Variants in SLC16A14 observed in about 807,000 individuals in gnomAD.
SLC16A14 encodes the protein monocarboxylate transporter 14.
SLC16A14 carries 14 observed loss-of-function variants against 35.8 expected under a neutral mutation model. The observed-to-expected ratio is 0.39, with a 90% CI of 0.26 to 0.61. The LOEUF (loss-of-function observed/expected upper bound fraction) is 0.61, where lower values mean the gene tolerates loss of function less well. Ranked by LOEUF, SLC16A14 falls within the 20% of genes least tolerant of loss-of-function variation. The probability of loss-of-function intolerance (pLI) is 0.51; values close to 1 mark genes in which losing one functional copy is unlikely to be tolerated. For synonymous variants in SLC16A14, 248 were observed against 258.9 expected (o/e 0.96, Z 0.40); for missense variants, 533 against 655.0 (o/e 0.81, Z 2.03).
chr2:230,059,992 T>C (rs1484012402), intron 1 of SLC16A14, among the ~76,000 whole-genome samples: 2 of 152,222 alleles, frequency 1.3e-5, no homozygotes, highest in Non-Finnish European at 2.9e-5. Context: ...GTGGTACTTA[T>C]GTCTCATTAT....
At position 230,063,023 on chromosome 2, in the gene SLC16A14, C is replaced by G. The variant is rs1278206201; in HGVS notation, c.-14-3657G>C. On this transcript the variant is annotated intron_variant, in intron 1 of 4. Transcript: ENST00000295190. Reference sequence around the variant, plus strand: ...CAATTTCCAGGCCGGCGCAGTGGTTCAAGCCTGTAATCCCAGCACTTTGGG... The same window carrying G: ...CAATTTCCAGGCCGGCGCAGTGGTTGAAGCCTGTAATCCCAGCACTTTGGG... 2.0e-5 allele frequency among the ~76,000 whole-genome samples: 3 copies of G among 152,124 alleles called. No individual in the cohort carries two copies. In the East Asian group the frequency reaches 5.8e-4, roughly 29 times the overall value.
At chr2:230,060,818 T>A (rs1393695860) in intron 1 of SLC16A14, among the ~76,000 whole-genome samples, 5 of 151,974 alleles carry the variant, frequency 3.3e-5, no homozygotes, top group Non-Finnish European at 7.4e-5. Flanking sequence ...TGGTCTTTAT[T>A]AGGAAGAGAG....
At chr2:230,060,881 G>A (rs1279608613) in intron 1 of SLC16A14, among the ~76,000 whole-genome samples, 3 of 135,032 alleles carry the variant, frequency 2.2e-5, no homozygotes, top group African/African-American at 8.3e-5. Flanking sequence ...TATGATGGTA[G>A]TGGGATGGAA....
chr2:230,062,104 T>C (rs944202918), intron 1 of SLC16A14, among the ~76,000 whole-genome samples: 7 of 152,140 alleles, frequency 4.6e-5, no homozygotes, highest in Admixed American at 2.6e-4. Context: ...AATAACATAA[T>C]GAGTATTACT....
intron 4 of SLC16A14, among the ~76,000 whole-genome samples, chr2:230,039,779 A>C (rs926053489): frequency 6.6e-6 from 1 of 152,224 alleles, no homozygotes; most frequent in African/African-American, 2.4e-5. Flanking sequence ...TGTAACTAAC[A>C]AACAGCTGAA....
Position 230,046,643 on chromosome 2 carries a change from C to T in SLC16A14, c.483G>A (p.Gln161=). ...ATCCGGTCCCCGTGGTGCTGAGGCC[C>T]TGGGCGAGGGCGCGTCTCTTCTGGA... is the stretch of plus-strand genomic sequence containing the variant. ...RYFQKRRALA[Q]GLSTTGTGFG... Residue 161 remains glutamine, a synonymous_variant, in exon 4 of 5, where the codon CAG becomes CAA. Transcript: ENST00000295190. This position sits in a 1 kb window ranked among gnomAD's most constrained non-coding sequence, Gnocchi z 5.0. 6.2e-7 allele frequency: 1 copy of T among 1,609,818 alleles called. No homozygotes were observed. The highest frequency in any genetic ancestry group is 8.5e-7 in the Non-Finnish European group (1 of 1,180,016).
At chr2:230,058,638 AT>A (rs61292690) in intron 2 of SLC16A14, among the ~76,000 whole-genome samples, 30,048 of 147,952 alleles carry the variant, frequency 0.2, 3,032 homozygotes, top group Middle Eastern at 0.26. Flanking sequence ...TGGTAAAATT[AT>A]TTTTTTTTTT....
rs572462253 is a variant in SLC16A14, at chr2:230,035,016, A to T, written c.*2364T>A. 6.6e-6 allele frequency: 1 copy of T among 152,374 alleles called. No homozygotes were observed. Among genetic ancestry groups the T allele is most frequent in the East Asian group, 1.9e-4 (1 of 5,194 alleles). The allele number at this position is 152,374 out of a possible 1,614,324, so 9.4% of individuals were successfully genotyped here. On this transcript the variant is annotated 3_prime_UTR_variant, in exon 5 of 5. Transcript: ENST00000295190. ...GACAACATTTATTTAGTTGTATGTA[A>T]ATAAAAATTACTTGGATACATGAGG...
At chr2:230,065,262 TC>T (rs1202207727) in intron 1 of SLC16A14, among the ~76,000 whole-genome samples, 2 of 151,928 alleles carry the variant, frequency 1.3e-5, no homozygotes, top group Admixed American at 1.3e-4. Flanking sequence ...GTAAAAAAGT[TC>T]TTTTTTTTTT....
Position 230,037,457 on chromosome 2 carries a change from G to C in SLC16A14, c.1456C>G (p.Leu486Val). The C allele has an allele frequency of 6.2e-7, 1 of 1,612,980 alleles. No homozygotes were observed. Among genetic ancestry groups the C allele is most frequent in the Non-Finnish European group, 8.5e-7 (1 of 1,179,704 alleles). ...ATGCACGGCTGAATAAGTAAAAAGA[G>C]TATTCCTATCATGTAAAGCAAACCA... ...ICGLLYMIGILFLLIQPCIRI... is the reference protein window; with the variant it reads ...ICGLLYMIGIVFLLIQPCIRI... The change falls in exon 5 of 5, where the codon CTC (leucine) becomes GTC (valine). Residue 486 changes from leucine (L) to valine (V), a missense_variant. Leu to Val is a conservative substitution (Grantham distance 32, BLOSUM62 1). Coordinates refer to ENST00000295190, the MANE Select transcript of SLC16A14 (RefSeq NM_152527.5).
At chr2:230,058,537 T>A (rs966610597) in intron 2 of SLC16A14, among the ~76,000 whole-genome samples, 10 of 152,108 alleles carry the variant, frequency 6.6e-5, no homozygotes, top group African/African-American at 2.4e-4. Flanking sequence ...CAGTTTCCGT[T>A]TGGGAAGATG....
rs1577387975 is a variant in SLC16A14, at chr2:230,046,599, G to A, written c.527C>T (p.Thr176Ile). The A allele has an allele frequency of 6.2e-7, 1 of 1,613,850 alleles. No homozygotes were observed. Among genetic ancestry groups the A allele is most frequent in the Non-Finnish European group, 8.5e-7 (1 of 1,180,040 alleles). The part of the protein sequence containing the change: ...TGTGFGTFLM[T>I]VLLKYLCAEY... ...TGCGCACAGGTACTTCAGCAGCACA[G>A]TCATTAGGAACGTACCGAATCCGGT... is the stretch of plus-strand genomic sequence containing the variant. The change falls in exon 4 of 5, where the codon ACT becomes ATT. Residue 176 changes from threonine (T) to isoleucine (I), a missense_variant. By Grantham distance (89) the Thr-to-Ile change is moderately conservative (BLOSUM62 -1). Transcript: ENST00000295190. This position sits in a 1 kb window ranked among gnomAD's most constrained non-coding sequence, Gnocchi z 5.0.
chr2:230,035,477 C>T lies in SLC16A14; in HGVS notation c.*1903G>A, dbSNP rs2077513204. On this transcript the variant is annotated 3_prime_UTR_variant, in exon 5 of 5. Transcript: ENST00000295190. The stretch of plus-strand genomic sequence containing the variant: ...TAATGAAGCAATGTAGTTTTTAAAA[C>T]ATACAACATGTGTTTCAATCTAATC... 3.3e-5 allele frequency: 5 copies of T among 152,606 alleles called. No homozygotes were observed. Among genetic ancestry groups the T allele is most frequent in the African/African-American group, 9.6e-5 (4 of 41,456 alleles). The allele number at this position is 152,606 out of a possible 1,614,324, so 9.5% of individuals were successfully genotyped here.
chr2:230,064,288 C>CTGTGTG (rs370970241), intron 1 of SLC16A14, among the ~76,000 whole-genome samples: 3,462 of 149,668 alleles, frequency 0.023, 64 homozygotes, highest in Admixed American at 0.03. Context: ...TCAGCCTTGT[C>CTGTGTG]TGTGTGTGTG....
At chr2:230,037,661 A>G (rs1331316682) in intron 4 of SLC16A14, 130 bp from the exon 5 acceptor site, 2 of 742,736 alleles carry the variant, frequency 2.7e-6, no homozygotes, top group Non-Finnish European at 4.1e-6. Flanking sequence ...TACCAATAAA[A>G]TGTTTCATTT....
At chr2:230,049,642 TG>T in intron 3 of SLC16A14, 118 bp downstream of exon 3, 3 of 1,033,566 alleles carry the variant, frequency 2.9e-6, no homozygotes, top group Non-Finnish European at 4.2e-6. Context: ...TGGGGTGAAG[TG>T]GGGGGGAGGA....
intron 3 of SLC16A14, among the ~76,000 whole-genome samples, chr2:230,047,307 CTTTTTT>C (rs56262602): frequency 2.7e-5 from 3 of 110,344 alleles, no homozygotes; most frequent in Non-Finnish European, 1.8e-5. Flanking sequence ...TATCTGACTT[CTTTTTT>C]TTTTTTTTTT....
chr2:230,045,643 A>C, intron 4 of SLC16A14, 102 bp downstream of exon 4: 2 of 1,330,598 alleles, frequency 1.5e-6, no homozygotes, highest in Non-Finnish European at 2.1e-6. Flanking sequence ...AGATAAAAGG[A>C]AAATGTACAC....
intron 2 of SLC16A14, among the ~76,000 whole-genome samples, chr2:230,055,042 T>C (rs946076801): frequency 6.6e-6 from 1 of 152,236 alleles, no homozygotes; most frequent in Non-Finnish European, 1.5e-5. Flanking sequence ...TCATTTGATG[T>C]AATGGCAGGC....
Sources: allele counts gnomAD v4.1 joint callset (sites outside exome capture counted in the v4.1 genomes callset), GRCh38; gene constraint gnomAD v4.1.1; non-coding constraint Gnocchi (gnomAD v3.1); transcripts MANE v1.5; gene names NCBI Gene and HGNC (gene_info 2026-07-23, HGNC 2026-07-21).